Variants in TBC1D5 observed in about 807,000 individuals in gnomAD.
The protein encoded by TBC1D5 is TBC1 domain family member 5, also known as TBC1 domain family, member 5.
A neutral mutation model predicts 100.3 loss-of-function variants in TBC1D5; 75 were observed. That is an observed-to-expected ratio of 0.75 (90% CI 0.62 to 0.91). TBC1D5 has a LOEUF of 0.91. Among genes scored for constraint, TBC1D5 ranks in the 40% least tolerant of loss-of-function variants. The pLI is 0.00. For missense variants in TBC1D5, 910 were observed against 942.4 expected, an observed-to-expected ratio of 0.97 and a Z score of 0.45; for synonymous variants, 323 against 325.6, an observed-to-expected ratio of 0.99 and a Z score of 0.09.
At chr3:17,450,874 A>C (rs745564594) in intron 3 of TBC1D5, among the ~76,000 whole-genome samples, 6 of 152,218 alleles carry the variant, frequency 3.9e-5, no homozygotes, top group Non-Finnish European at 7.3e-5. Flanking sequence ...AAATTCAGGA[A>C]ATACAGAATA....
chr3:17,571,567 T>C (rs939770873), intron 2 of TBC1D5, among the ~76,000 whole-genome samples: 7 of 152,040 alleles, frequency 4.6e-5, no homozygotes, highest in Admixed American at 1.3e-4. Flanking sequence ...TTATCAATCT[T>C]AGACTCTATG....
At chr3:17,183,120 G>A (rs189040395) in intron 19 of TBC1D5, among the ~76,000 whole-genome samples, 4 of 152,228 alleles carry the variant, frequency 2.6e-5, no homozygotes, top group East Asian at 1.9e-4. Context: ...CCCCCAACTG[G>A]AGAGTATCTC....
chr3:17,726,169 A>C (rs2076113810), intron 1 of TBC1D5, among the ~76,000 whole-genome samples: 1 of 152,206 alleles, frequency 6.6e-6, no homozygotes, highest in Non-Finnish European at 1.5e-5. Context: ...CAGTGCTGCA[A>C]TGAACATACG....
intron 2 of TBC1D5, among the ~76,000 whole-genome samples, chr3:17,567,456 A>T (rs925900565): frequency 6.6e-6 from 1 of 151,812 alleles, no homozygotes; most frequent in African/African-American, 2.4e-5. Context: ...ATTAAAATGG[A>T]CAAATACTCC....
intron 2 of TBC1D5, among the ~76,000 whole-genome samples, chr3:17,529,262 A>C (rs1041470343): frequency 1.3e-5 from 2 of 152,152 alleles, no homozygotes; most frequent in African/African-American, 4.8e-5. Flanking sequence ...ACTATCTGTA[A>C]ACTCTGCAAA....
At chr3:17,187,393 A>G (rs2125564605) in intron 18 of TBC1D5, among the ~76,000 whole-genome samples, 1 of 152,350 alleles carries the variant, frequency 6.6e-6, no homozygotes, top group South Asian at 2.1e-4. Context: ...AGGAGAGAAC[A>G]CATAGAGAAA....
intron 1 of TBC1D5, among the ~76,000 whole-genome samples, chr3:17,653,790 C>A (rs1448518266): frequency 6.6e-6 from 1 of 151,882 alleles, no homozygotes; most frequent in Non-Finnish European, 1.5e-5. Context: ...ATTTCTGCAA[C>A]TCTTAAATTA....
intron 18 of TBC1D5, among the ~76,000 whole-genome samples, chr3:17,190,969 GTT>G: frequency 6.6e-6 from 1 of 152,332 alleles, no homozygotes; most frequent in South Asian, 2.1e-4. Context: ...GGCCACGGAT[GTT>G]CGGAGGAAGC....
intron 3 of TBC1D5, among the ~76,000 whole-genome samples, chr3:17,463,754 G>A (rs542856884): frequency 2.0e-5 from 3 of 151,854 alleles, no homozygotes; most frequent in South Asian, 2.1e-4. Flanking sequence ...TCCCAGTTTC[G>A]GCCCTGAAAC....
intron 1 of TBC1D5, among the ~76,000 whole-genome samples, chr3:17,673,779 T>A (rs755525837): frequency 8.5e-5 from 13 of 152,186 alleles, no homozygotes; most frequent in Non-Finnish European, 1.9e-4. Flanking sequence ...AATTTAAATC[T>A]AAGACACTAA....
At chr3:17,579,224 C>A (rs2096676622) in intron 2 of TBC1D5, among the ~76,000 whole-genome samples, 1 of 151,840 alleles carries the variant, frequency 6.6e-6, no homozygotes, top group Non-Finnish European at 1.5e-5. Context: ...AGTACAAACC[C>A]AAATACTCCT....
intron 15 of TBC1D5, among the ~76,000 whole-genome samples, chr3:17,277,067 C>T (rs772352552): frequency 2.6e-5 from 4 of 152,162 alleles, no homozygotes; most frequent in Admixed American, 6.5e-5. Flanking sequence ...CCTTCAGCCA[C>T]GGAAACACTG....
At chr3:17,389,354 TAGAA>T (rs1222954533) in intron 8 of TBC1D5, among the ~76,000 whole-genome samples, 1 of 152,092 alleles carries the variant, frequency 6.6e-6, no homozygotes, top group African/African-American at 2.4e-5. Context: ...ACTCCTCCCA[TAGAA>T]AGATGAAAGA....
intron 1 of TBC1D5, among the ~76,000 whole-genome samples, chr3:17,633,479 G>C (rs1350386053): frequency 1.3e-5 from 2 of 151,996 alleles, no homozygotes; most frequent in Non-Finnish European, 2.9e-5. Flanking sequence ...TTAGGTCAGA[G>C]AATATGTTTC....
chr3:17,413,719 G>C (rs1280151592), intron 4 of TBC1D5, among the ~76,000 whole-genome samples: 1 of 152,070 alleles, frequency 6.6e-6, no homozygotes, highest in East Asian at 1.9e-4. Context: ...GTCCCAAATG[G>C]TGATACACTA....
At chr3:17,382,940 T>C (rs2093008654) in intron 9 of TBC1D5, among the ~76,000 whole-genome samples, 1 of 152,050 alleles carries the variant, frequency 6.6e-6, no homozygotes, top group African/African-American at 2.4e-5. Flanking sequence ...GTTGCCCTTA[T>C]AAATGCAATA....
intron 2 of TBC1D5, among the ~76,000 whole-genome samples, chr3:17,612,514 C>T (rs2061757934): frequency 6.6e-6 from 1 of 151,826 alleles, no homozygotes; most frequent in Non-Finnish European, 1.5e-5. Context: ...CCTGTAATCC[C>T]AGCTACTCGG....
chr3:17,249,223 A>C (rs117280366), intron 16 of TBC1D5, among the ~76,000 whole-genome samples: 3 of 152,100 alleles, frequency 2.0e-5, no homozygotes, highest in Non-Finnish European at 4.4e-5. Flanking sequence ...TTCCTTCAAA[A>C]ACTTTTCCTT....
At chr3:17,656,302 G>C (rs1420838153) in intron 1 of TBC1D5, among the ~76,000 whole-genome samples, 2 of 152,126 alleles carry the variant, frequency 1.3e-5, no homozygotes, top group South Asian at 2.1e-4. Flanking sequence ...TCATTTGAAA[G>C]GAAGGGCTGC....
Sources: allele counts gnomAD v4.1 joint callset (sites outside exome capture counted in the v4.1 genomes callset), GRCh38; gene constraint gnomAD v4.1.1; transcripts MANE v1.5; gene names NCBI Gene and HGNC (gene_info 2026-07-23, HGNC 2026-07-21).